The following RBFOX1 variants were observed in gnomAD, a reference collection of about 807,000 sequenced individuals.
RBFOX1 encodes RNA binding protein fox-1 homolog 1.
RBFOX1 carries 8 observed loss-of-function variants against 57.7 expected under a neutral mutation model. The observed-to-expected ratio is 0.14, with a 90% CI of 0.08 to 0.25. The LOEUF is 0.25. Ranked by LOEUF, RBFOX1 falls within the 10% of genes least tolerant of loss-of-function variation. The pLI is 1.00. For synonymous variants in RBFOX1, 326 were observed against 222.4 expected, an observed-to-expected ratio of 1.47 and a Z score of -4.15; for missense variants, 611 against 548.5, an observed-to-expected ratio of 1.11 and a Z score of -1.14.
Position 6,807,492 on chromosome 16 carries a change from C to T in RBFOX1, c.-16+152842C>T, listed in dbSNP as rs551645750. Among the ~76,000 whole-genome samples the T allele has an allele frequency of 3.6e-4, 55 of 152,158 alleles. 1 individual carries two copies. The South Asian group carries it at 0.011, about 29-fold the overall frequency. ...GCTGGGGTCCTGAGTTCTGCACTCACTAATGGGACTTTGCTTGTCCTATGA... is the reference window on the plus strand; with the variant it reads ...GCTGGGGTCCTGAGTTCTGCACTCATTAATGGGACTTTGCTTGTCCTATGA... On this transcript the variant is annotated intron_variant, in intron 3 of 15. Coordinates refer to ENST00000550418, the MANE Select transcript of RBFOX1 (RefSeq NM_018723.4).
chr16:6,760,302 C>T (rs1446668431), intron 3 of RBFOX1, among the ~76,000 whole-genome samples: 1 of 152,100 alleles, frequency 6.6e-6, no homozygotes, highest in Non-Finnish European at 1.5e-5. Context: ...AGCATTGGCA[C>T]CTATGTTTCT....
intron 3 of RBFOX1, among the ~76,000 whole-genome samples, chr16:6,777,494 T>C (rs2079575794): frequency 6.6e-6 from 1 of 152,182 alleles, no homozygotes; most frequent in South Asian, 2.1e-4. Context: ...ATGATTTTAT[T>C]AGGAAGCTTT....
chr16:7,532,794 T>C (rs1005695216), intron 5 of RBFOX1, among the ~76,000 whole-genome samples: 1 of 152,206 alleles, frequency 6.6e-6, no homozygotes, highest in Non-Finnish European at 1.5e-5. Flanking sequence ...GACAGCAACT[T>C]TGAGTAATTG....
At chr16:6,515,358 C>T (rs1008645215) in intron 2 of RBFOX1, among the ~76,000 whole-genome samples, 1 of 152,224 alleles carries the variant, frequency 6.6e-6, no homozygotes, top group East Asian at 1.9e-4. Flanking sequence ...CTCAAACAAC[C>T]TTCAGAAGTT....
At chr16:5,245,084 C>G (rs758392271) in intron 1 of RBFOX1, among the ~76,000 whole-genome samples, 25 of 152,174 alleles carry the variant, frequency 1.6e-4, no homozygotes, top group South Asian at 6.2e-4. Flanking sequence ...CTTGTGGCCT[C>G]TGGAATGTGA....
At chr16:6,023,341 T>G (rs1360631084) in intron 1 of RBFOX1, among the ~76,000 whole-genome samples, 1 of 152,144 alleles carries the variant, frequency 6.6e-6, no homozygotes, top group African/African-American at 2.4e-5. Context: ...CTCATGTCTC[T>G]GATGATTTTA....
chr16:6,873,209 C>A (rs2061257295), intron 3 of RBFOX1, among the ~76,000 whole-genome samples: 1 of 151,044 alleles, frequency 6.6e-6, no homozygotes, highest in African/African-American at 2.4e-5. Flanking sequence ...GAGATTTTTG[C>A]CTCCTTTTTC....
intron 2 of RBFOX1, among the ~76,000 whole-genome samples, chr16:6,631,440 A>G (rs2098383904): frequency 6.6e-6 from 1 of 152,054 alleles, no homozygotes; most frequent in South Asian, 2.1e-4. Flanking sequence ...GTTCCCAGTG[A>G]CAGAGTGAGC....
chr16:7,106,899 C>T (rs181019852), intron 4 of RBFOX1, among the ~76,000 whole-genome samples: 12 of 152,094 alleles, frequency 7.9e-5, no homozygotes, highest in African/African-American at 2.7e-4. Context: ...AGACACTATT[C>T]TTGGCAGTGG....
At chr16:6,927,674 G>A (rs1412325810) in intron 3 of RBFOX1, among the ~76,000 whole-genome samples, 2 of 151,958 alleles carry the variant, frequency 1.3e-5, no homozygotes, top group Non-Finnish European at 1.5e-5. Context: ...AGCATCACCT[G>A]CTGCCCTTTG....
At chr16:7,347,876 C>A (rs1047237515) in intron 4 of RBFOX1, among the ~76,000 whole-genome samples, 10 of 152,094 alleles carry the variant, frequency 6.6e-5, no homozygotes, top group Admixed American at 1.3e-4. Flanking sequence ...CCGAGACAGG[C>A]GTCTTGCAGG....
intron 4 of RBFOX1, among the ~76,000 whole-genome samples, chr16:7,378,680 A>G (rs1240850762): frequency 2.0e-5 from 3 of 151,986 alleles, no homozygotes; most frequent in East Asian, 1.9e-4. Flanking sequence ...GTAGGCTTTT[A>G]TTTCCCAGGC....
chr16:6,664,450 T>C (rs148725024), intron 3 of RBFOX1, among the ~76,000 whole-genome samples: 3 of 152,324 alleles, frequency 2.0e-5, no homozygotes, highest in African/African-American at 7.2e-5. Context: ...ATCTTGTATC[T>C]ACAGATCTGC....
chr16:6,711,555 C>G (rs536670818), intron 3 of RBFOX1, among the ~76,000 whole-genome samples: 8 of 152,326 alleles, frequency 5.3e-5, no homozygotes, highest in East Asian at 1.9e-4. Flanking sequence ...TTTGGCAGTT[C>G]TGCCCTCACT....
In RBFOX1 at chr16:7,508,134, C is replaced by T. The variant is rs12596242; in HGVS notation, c.28-10013C>T. On this transcript the variant is annotated intron_variant, in intron 4 of 15. Transcript: ENST00000550418. ...CCAAAGTAGCTGGGATTACAGGCAC[C>T]TGCCACAATGCCTGGATAATTTTTG... Among the ~76,000 whole-genome samples the T allele has an allele frequency of 2.6e-5, 4 of 152,018 alleles. No individual in the cohort carries two copies. In the East Asian group the frequency reaches 7.8e-4, roughly 30 times the overall value.
chr16:7,024,792 A>G (rs910489007), intron 3 of RBFOX1, among the ~76,000 whole-genome samples: 4 of 152,182 alleles, frequency 2.6e-5, no homozygotes, highest in Admixed American at 2.6e-4. Context: ...ATTCCCTGCA[A>G]TTCCCTCTGG....
In RBFOX1 at chr16:7,095,480, A is replaced by T. The variant is rs987909772; in HGVS notation, c.27+43382A>T. ...ATAGAACTCATGACAAAATGAAAAC[A>T]TGCTTAATTTTTATCTGTGATGTGG... is the stretch of plus-strand genomic sequence containing the variant. On this transcript the variant is annotated intron_variant, in intron 4 of 15. Transcript: ENST00000550418. Among the ~76,000 whole-genome samples the T allele has an allele frequency of 4.6e-5, 7 of 152,150 alleles. 1 individual carries two copies. The highest frequency in any genetic ancestry group is 8.8e-5 in the Non-Finnish European group (6 of 68,026).
chr16:6,003,914 G>C (rs750658225), intron 4 of RBFOX1, among the ~76,000 whole-genome samples: 19 of 152,174 alleles, frequency 1.2e-4, no homozygotes, highest in Admixed American at 1.2e-3. Context: ...CACAAATCTG[G>C]CTTTTCTATG....
chr16:5,522,034 A>G (rs995456099), intron 2 of RBFOX1, among the ~76,000 whole-genome samples: 1 of 152,172 alleles, frequency 6.6e-6, no homozygotes, highest in Non-Finnish European at 1.5e-5. Context: ...AGCACCCGGG[A>G]TTCGACTGGG....
Sources: allele counts gnomAD v4.1 joint callset (sites outside exome capture counted in the v4.1 genomes callset), GRCh38; gene constraint gnomAD v4.1.1; transcripts MANE v1.5; gene names NCBI Gene and HGNC (gene_info 2026-07-23, HGNC 2026-07-21).